The following SV2C variants were observed in gnomAD, a reference collection of about 807,000 sequenced individuals.
SV2C encodes solute carrier family 22 member B3.
A neutral mutation model predicts 79.7 loss-of-function variants in SV2C; 49 were observed. That is an observed-to-expected ratio of 0.61 (90% CI 0.49 to 0.78). The LOEUF (loss-of-function observed/expected upper bound fraction) is 0.78. SV2C is among the 30% of genes least tolerant of loss of function. SV2C has a pLI of 0.00. For missense variants in SV2C, 833 were observed against 912.9 expected, an observed-to-expected ratio of 0.91 and a Z score of 1.13; for synonymous variants, 334 against 333.2, an observed-to-expected ratio of 1.00 and a Z score of -0.03.
intron 12 of SV2C, among the ~76,000 whole-genome samples, chr5:76,352,200 G>A (rs1749655013): frequency 6.6e-6 from 1 of 152,086 alleles, no homozygotes; most frequent in African/African-American, 2.4e-5. Flanking sequence ...GCGACAGAGT[G>A]AGACTCTGTC....
upstream of SV2C, chr5:76,079,043 C>A: frequency 2.4e-6 from 1 of 410,286 alleles, no homozygotes. Context: ...AGACATTGGT[C>A]CACCACCGAT....
At chr5:75,858,845 G>A in the SV2C span, among the ~76,000 whole-genome samples, 1 of 148,166 alleles carries the variant, frequency 6.7e-6, no homozygotes, top group East Asian at 1.9e-4. Flanking sequence ...TATGTGTCTA[G>A]GAATTTATTT....
At chr5:76,030,289 T>TTTTTTTTTTTTTTTTTTTATTTA in the SV2C span, among the ~76,000 whole-genome samples, 7 of 117,872 alleles carry the variant, frequency 5.9e-5, no homozygotes, top group African/African-American at 2.7e-4. Flanking sequence ...TTTTTTTTTT[T>TTTTTTTTTTTTTTTTTTTATTTA]TTTATTTATT....
At chr5:75,912,367 C>T in the SV2C span, among the ~76,000 whole-genome samples, 22 of 152,196 alleles carry the variant, frequency 1.4e-4, no homozygotes, top group Non-Finnish European at 2.6e-4. Flanking sequence ...GTGGCAGGCA[C>T]CTGTAGTTCC....
At chr5:76,111,591 G>A (rs1043627459) in intron 1 of SV2C, among the ~76,000 whole-genome samples, 35 of 152,142 alleles carry the variant, frequency 2.3e-4, no homozygotes, top group African/African-American at 6.8e-4. Flanking sequence ...AAAGGCAGGC[G>A]TCTTTCTCCA....
the SV2C span, among the ~76,000 whole-genome samples, chr5:75,862,969 T>C: frequency 5.3e-5 from 8 of 152,188 alleles, no homozygotes; most frequent in Non-Finnish European, 7.3e-5. Flanking sequence ...ACAGTATTGG[T>C]GTGAACTCAG....
At chr5:76,280,857 C>T in intron 4 of SV2C, 1 of 419,776 alleles carries the variant, frequency 2.4e-6, no homozygotes. Context: ...TTCAGTTTTT[C>T]TGGAATTCAG....
At chr5:76,126,412 G>T (rs1282359342) in intron 1 of SV2C, among the ~76,000 whole-genome samples, 1 of 152,020 alleles carries the variant, frequency 6.6e-6, no homozygotes, top group African/African-American at 2.4e-5. Flanking sequence ...TGGGATGATG[G>T]GTCAGTTTCC....
chr5:76,235,263 A>G (rs1006787336), intron 4 of SV2C, among the ~76,000 whole-genome samples: 12 of 152,050 alleles, frequency 7.9e-5, no homozygotes, highest in Non-Finnish European at 4.4e-5. Flanking sequence ...GAATAAGTGA[A>G]TATCATTAGT....
At chr5:76,305,400 T>C (rs531419735) in intron 12 of SV2C, among the ~76,000 whole-genome samples, 6 of 152,202 alleles carry the variant, frequency 3.9e-5, no homozygotes, top group Non-Finnish European at 8.8e-5. Flanking sequence ...AGGAATCATT[T>C]TGTATTCCTC....
intron 1 of SV2C, among the ~76,000 whole-genome samples, chr5:76,119,988 A>G (rs765687535): frequency 2.0e-5 from 3 of 152,230 alleles, no homozygotes; most frequent in African/African-American, 7.2e-5. Flanking sequence ...GTATATTTCA[A>G]AAAGCTAAAG....
the SV2C span, among the ~76,000 whole-genome samples, chr5:75,970,043 G>A: frequency 1.3e-5 from 2 of 152,134 alleles, no homozygotes; most frequent in African/African-American, 4.8e-5. Context: ...TCATCTACAT[G>A]GAAACTGAAC....
intron 1 of SV2C, among the ~76,000 whole-genome samples, chr5:76,113,972 C>T (rs1398122062): frequency 2.0e-5 from 3 of 152,106 alleles, no homozygotes; most frequent in African/African-American, 4.8e-5. Context: ...CTTGTGGCAG[C>T]AGAGACCTGC....
At chr5:75,860,092 G>T in the SV2C span, among the ~76,000 whole-genome samples, 2 of 152,064 alleles carry the variant, frequency 1.3e-5, no homozygotes, top group African/African-American at 4.8e-5. Context: ...AGGTGGTGTG[G>T]GGCTGGTTTC....
chr5:76,109,651 G>A (rs1193062264), intron 1 of SV2C, among the ~76,000 whole-genome samples: 3 of 152,126 alleles, frequency 2.0e-5, no homozygotes, highest in African/African-American at 7.2e-5. Flanking sequence ...GAGAAATTTG[G>A]CACAGACACA....
rs1258918385 is a variant in SV2C at position 76,171,096 on chromosome 5, G to A, written c.581-23823G>A. The A allele has an allele frequency of 1.6e-3, 143 of 90,516 alleles. 8 individuals are homozygous for A. In the East Asian group the frequency reaches 0.04, roughly 25 times the overall value. 5.6% of individuals were successfully genotyped at this position (90,516 alleles called of 1,614,324 possible). On this transcript the variant is annotated intron_variant, in intron 2 of 12. Coordinates refer to ENST00000502798, the MANE Select transcript of SV2C (RefSeq NM_014979.4). The stretch of plus-strand genomic sequence containing the variant: ...CGGACGGGCCCCGCGGGGCCCGAGG[G>A]CAAGGAGCAGCCGCCTGCCTTGGCC...
Position 76,300,849 on chromosome 5 carries a change from A to G in SV2C, c.1757A>G (p.Asn586Ser). The change falls in exon 11 of 13, where the codon AAC becomes AGC. Residue 586 changes from asparagine (N) to serine (S), a missense_variant. Physicochemically the swap from Asn to Ser is conservative, Grantham distance 46. Coordinates refer to ENST00000502798, the MANE Select transcript of SV2C (RefSeq NM_014979.4). The stretch of plus-strand genomic sequence containing the variant: ...AGTGCCTACTGGATTTATTTTGTCA[A>G]CTTTCTGGGGACATTGGCAGTATTG... ...DYSAYWIYFV[N>S]FLGTLAVLPG... 2.5e-6 allele frequency: 4 copies of G among 1,614,202 alleles called. No individual in the cohort carries two copies. The highest frequency in any genetic ancestry group is 2.2e-5 in the South Asian group (2 of 91,086).
chr5:76,037,159 A>G, the SV2C span, among the ~76,000 whole-genome samples: 1 of 152,064 alleles, frequency 6.6e-6, no homozygotes, highest in African/African-American at 2.4e-5. Flanking sequence ...AATTTTTTTC[A>G]AAGTTTTCAA....
At chr5:76,137,151 A>G (rs2112198967) in intron 2 of SV2C, among the ~76,000 whole-genome samples, 1 of 152,358 alleles carries the variant, frequency 6.6e-6, no homozygotes, top group Admixed American at 6.5e-5. Flanking sequence ...GGAGGATTGA[A>G]TGAGATAATA....
Sources: allele counts gnomAD v4.1 joint callset (sites outside exome capture counted in the v4.1 genomes callset), GRCh38; gene constraint gnomAD v4.1.1; transcripts MANE v1.5; gene names NCBI Gene and HGNC (gene_info 2026-07-23, HGNC 2026-07-21).